UNC79: variants seen among roughly 807,000 people sequenced by gnomAD.
UNC79 encodes the protein unc-79 subunit of NALCN channel complex.
A neutral mutation model predicts 283.1 loss-of-function variants in UNC79; 37 were observed. That is an observed-to-expected ratio of 0.13 (90% CI 0.10 to 0.17). The LOEUF (loss-of-function observed/expected upper bound fraction) is 0.17. Among genes scored for constraint, UNC79 ranks in the 10% least tolerant of loss-of-function variants. The pLI is 1.00. For synonymous variants in UNC79, 1,107 were observed against 1,200.2 expected (o/e 0.92, Z 1.61); for missense variants, 2,272 against 3,211.1 (o/e 0.71, Z 7.07).
chr14:93,392,728 G>A (rs2054909437), intron 1 of UNC79, among the ~76,000 whole-genome samples: 2 of 152,010 alleles, frequency 1.3e-5, no homozygotes, highest in Non-Finnish European at 2.9e-5. Flanking sequence ...CTGTTAATTC[G>A]GTTTGAAATA....
At chr14:93,501,482 G>A (rs540726278) in intron 7 of UNC79, among the ~76,000 whole-genome samples, 1 of 152,190 alleles carries the variant, frequency 6.6e-6, no homozygotes, top group Admixed American at 6.5e-5. Flanking sequence ...GAGGTCAGGA[G>A]ATCGAGACCA....
chr14:93,602,441 A>G (rs1279235111), intron 25 of UNC79, among the ~76,000 whole-genome samples: 2 of 152,148 alleles, frequency 1.3e-5, no homozygotes, highest in South Asian at 2.1e-4. Context: ...TGGGTTCTCT[A>G]TTCCGTTCCA....
intron 20 of UNC79, among the ~76,000 whole-genome samples, chr14:93,583,879 C>T (rs1241167528): frequency 6.6e-6 from 1 of 150,584 alleles, no homozygotes; most frequent in Non-Finnish European, 1.5e-5. Context: ...GATCACGGCT[C>T]ACTCCAGCCT....
downstream of UNC79, chr14:93,707,193 CT>C (rs1275917168): frequency 6.2e-6 from 2 of 320,272 alleles, no homozygotes; most frequent in Non-Finnish European, 1.1e-5. Context: ...AAAAAATAGA[CT>C]GGTGGGTACT....
At chr14:93,478,074 C>T (rs776591786) in intron 4 of UNC79, among the ~76,000 whole-genome samples, 1 of 152,128 alleles carries the variant, frequency 6.6e-6, no homozygotes, top group Non-Finnish European at 1.5e-5. Flanking sequence ...AAATTCCTAT[C>T]TTTTGGCTTT....
intron 1 of UNC79, among the ~76,000 whole-genome samples, chr14:93,423,891 C>T (rs2055664790): frequency 6.6e-6 from 1 of 152,078 alleles, no homozygotes; most frequent in Admixed American, 6.6e-5. Context: ...AAGGCTTCTG[C>T]ACAGCAAAAG....
intron 31 of UNC79, 49 bp downstream of exon 33, chr14:93,630,957 ACTGT>A (rs2067983813): frequency 4.0e-6 from 6 of 1,508,040 alleles, no homozygotes; most frequent in South Asian, 3.4e-5. Flanking sequence ...ATTTTGGAAC[ACTGT>A]CTGCTGCCTT....
intron 1 of UNC79, among the ~76,000 whole-genome samples, chr14:93,357,788 T>G (rs891462750): frequency 7.7e-6 from 1 of 129,474 alleles, no homozygotes; most frequent in African/African-American, 3.0e-5. Flanking sequence ...GATATATGGA[T>G]ATATATATAT....
intron 7 of UNC79, among the ~76,000 whole-genome samples, chr14:93,508,046 A>G (rs1447401936): frequency 3.3e-5 from 5 of 152,168 alleles, no homozygotes; most frequent in Non-Finnish European, 5.9e-5. Context: ...CTGTCTGTAC[A>G]CCAATACAAT....
chr14:93,540,946 G>A, intron 13 of UNC79, 115 bp downstream of exon 13: 1 of 1,327,112 alleles, frequency 7.5e-7, no homozygotes, highest in South Asian at 1.3e-5. Context: ...ATTAACCTTA[G>A]CAATGGGGCT....
intron 1 of UNC79, among the ~76,000 whole-genome samples, chr14:93,434,213 CAAAAAGAAAAAA>C (rs555469393): frequency 4.6e-4 from 65 of 141,298 alleles, no homozygotes; most frequent in Non-Finnish European, 8.6e-4. Flanking sequence ...AACTCCGTCT[CAAAAAGAAAAAA>C]AAAAAGAAAA....
intron 1 of UNC79, among the ~76,000 whole-genome samples, chr14:93,455,702 TTA>T (rs2056776831): frequency 6.6e-6 from 1 of 152,168 alleles, no homozygotes; most frequent in Non-Finnish European, 1.5e-5. Context: ...GCTAGGTAGT[TTA>T]TATATGCAAT....
chr14:93,486,206 A>G (rs932416298), intron 4 of UNC79, among the ~76,000 whole-genome samples: 1 of 152,160 alleles, frequency 6.6e-6, no homozygotes, highest in Non-Finnish European at 1.5e-5. Flanking sequence ...CATTCTGTTC[A>G]TGCTTGACAC....
Position 93,561,397 on chromosome 14 carries a change from G to A in UNC79, c.1756-10497G>A, listed in dbSNP as rs10438210. Among the ~76,000 whole-genome samples the A allele has an allele frequency of 3.3e-3, 502 of 152,292 alleles. 3 individuals carry two copies. Among genetic ancestry groups the A allele is most frequent in the African/African-American group, 0.011 (475 of 41,552 alleles). On this transcript the variant is annotated intron_variant, in intron 14 of 48. Transcript: ENST00000555664. ...TGTCTGGGGAGGTCTTGCTGGACCT[G>A]TCTAGAAAGTAAAGAAGTTCTTCAG... is the stretch of plus-strand genomic sequence containing the variant.
chr14:93,578,712 C>T (rs2063608396), intron 18 of UNC79, among the ~76,000 whole-genome samples: 1 of 152,172 alleles, frequency 6.6e-6, no homozygotes, highest in African/African-American at 2.4e-5. Context: ...AGGACATTCT[C>T]TTACATAAAC....
chr14:93,700,935 A>G (rs993953504), intron 47 of UNC79, among the ~76,000 whole-genome samples: 13 of 150,042 alleles, frequency 8.7e-5, no homozygotes, highest in Non-Finnish European at 1.6e-4. Flanking sequence ...GGTAGTTTTT[A>G]TAACTTGCAT....
chr14:93,600,465 C>A, intron 24 of UNC79, 104 bp from the exon 25 acceptor site: 1 of 731,894 alleles, frequency 1.4e-6, no homozygotes, highest in Non-Finnish European at 2.2e-6. Context: ...ATTGAGTAGG[C>A]TGCCTTGTTT....
At chr14:93,507,654 C>A (rs1429008376) in intron 7 of UNC79, among the ~76,000 whole-genome samples, 2 of 152,070 alleles carry the variant, frequency 1.3e-5, no homozygotes, top group Non-Finnish European at 2.9e-5. Flanking sequence ...TTATTCCAGT[C>A]TTGGGGTTAC....
At chr14:93,664,776 T>C (rs2071987828) in intron 40 of UNC79, among the ~76,000 whole-genome samples, 1 of 152,116 alleles carries the variant, frequency 6.6e-6, no homozygotes, top group African/African-American at 2.4e-5. Context: ...AAGAGTCAAA[T>C]AACATTAGTG....
Sources: allele counts gnomAD v4.1 joint callset (sites outside exome capture counted in the v4.1 genomes callset), GRCh38; gene constraint gnomAD v4.1.1; transcripts MANE v1.5; gene names NCBI Gene and HGNC (gene_info 2026-07-23, HGNC 2026-07-21).